Variants in UGT1A6 observed in about 807,000 individuals in gnomAD.
UGT1A6 encodes the protein UDP-glucuronosyltransferase 1A6.
A neutral mutation model predicts 44.4 loss-of-function variants in UGT1A6; 32 were observed. The ratio of observed to expected loss-of-function variants is 0.72; its 90% CI spans 0.54 to 0.97. The LOEUF (loss-of-function observed/expected upper bound fraction) is 0.97, where lower values mean the gene tolerates loss of function less well. Among genes scored for constraint, UGT1A6 ranks in the 50% least tolerant of loss-of-function variants. The probability of loss-of-function intolerance (pLI) is 0.00; values close to 1 mark genes in which losing one functional copy is unlikely to be tolerated. For synonymous variants in UGT1A6, 238 were observed against 248.5 expected (o/e 0.96, Z 0.40); for missense variants, 685 against 661.9 (o/e 1.03, Z -0.38).
At position 233,768,551 on chromosome 2, in the gene UGT1A6, A is replaced by G. The variant is rs1699641302; in HGVS notation, c.1301+112A>G. The G allele has an allele frequency of 4.1e-6, 6 of 1,478,370 alleles. No individual in the cohort carries two copies. The East Asian group carries it at 1.5e-4, about 37-fold the overall frequency. 91.6% of individuals were successfully genotyped at this position (1,478,370 alleles called of 1,614,324 possible). A position where few individuals can be genotyped will look rare whatever the true frequency, so the allele number is the denominator to read the frequency against. The stretch of plus-strand genomic sequence containing the variant: ...ATAGCGTTGTTTCAAATATAAAAAC[A>G]AATACATAAAAATCTGGATTTTTAT... On this transcript the variant is annotated intron_variant, in intron 4 of 4. Transcript: ENST00000305139.
chr2:233,730,885 G>C (rs948643464), intron 1 of UGT1A6, among the ~76,000 whole-genome samples: 12 of 152,158 alleles, frequency 7.9e-5, no homozygotes, highest in South Asian at 2.1e-4. Flanking sequence ...TTTCTATAGT[G>C]GGATCTACTC....
intron 1 of UGT1A6, chr2:233,713,287 C>T (rs28946880): frequency 3.7e-6 from 6 of 1,614,228 alleles, no homozygotes; most frequent in Non-Finnish European, 5.1e-6. Context: ...CACACTCAAT[C>T]GTTCTTTGAA....
intron 1 of UGT1A6, chr2:233,740,870 A>G (rs528081181): frequency 3.3e-5 from 5 of 151,856 alleles, no homozygotes; most frequent in Non-Finnish European, 7.3e-5. Context: ...TTCTTTAAAT[A>G]AAATGCTCTT....
chr2:233,698,753 A>G (rs887164106), intron 1 of UGT1A6, among the ~76,000 whole-genome samples: 4 of 152,244 alleles, frequency 2.6e-5, no homozygotes, highest in African/African-American at 7.2e-5. Context: ...ACATAATGCT[A>G]TGATTCAGAA....
At chr2:233,721,723 T>A (rs570482911) in intron 1 of UGT1A6, 28 of 397,856 alleles carry the variant, frequency 7.0e-5, no homozygotes, top group Non-Finnish European at 1.0e-5. Flanking sequence ...TTTGTTTACT[T>A]GGATAAGCTT....
At chr2:233,765,849 A>G (rs548142757) in intron 1 of UGT1A6, among the ~76,000 whole-genome samples, 8 of 152,220 alleles carry the variant, frequency 5.3e-5, no homozygotes, top group African/African-American at 1.7e-4. Flanking sequence ...TGTCCCCCTC[A>G]CAGAGCATGT....
At chr2:233,724,280 G>GT (rs2077205183) in intron 1 of UGT1A6, among the ~76,000 whole-genome samples, 4 of 139,636 alleles carry the variant, frequency 2.9e-5, no homozygotes, top group Admixed American at 7.0e-5. Context: ...GGCTGGCCGG[G>GT]CGGGGGGCTG....
At chr2:233,757,125 G>A (rs1455211055) in intron 1 of UGT1A6, among the ~76,000 whole-genome samples, 1 of 151,320 alleles carries the variant, frequency 6.6e-6, no homozygotes, top group Non-Finnish European at 1.5e-5. Context: ...CTAGAGAGGA[G>A]GAATGAGCTT....
chr2:233,724,544 T>C (rs2077280131), intron 1 of UGT1A6, among the ~76,000 whole-genome samples: 1 of 117,026 alleles, frequency 8.5e-6, no homozygotes, highest in African/African-American at 3.6e-5. Flanking sequence ...GCAGAGGCGC[T>C]CCTCACATCC....
chr2:233,766,910 T>C (rs960990875), intron 1 of UGT1A6, 124 bp from the exon 2 acceptor site: 6 of 1,519,286 alleles, frequency 3.9e-6, no homozygotes, highest in East Asian at 2.3e-5. Context: ...TTTTTTACTC[T>C]ATCTCAAACA....
intron 1 of UGT1A6, among the ~76,000 whole-genome samples, chr2:233,757,149 G>T (rs1696420476): frequency 6.6e-6 from 1 of 151,394 alleles, no homozygotes; most frequent in South Asian, 2.1e-4. Flanking sequence ...CAGGTGGGCT[G>T]GGGTCTATCC....
intron 1 of UGT1A6, among the ~76,000 whole-genome samples, chr2:233,747,017 T>A (rs1217876341): frequency 1.3e-5 from 2 of 151,764 alleles, no homozygotes; most frequent in Non-Finnish European, 2.9e-5. Flanking sequence ...GAGTGATCGG[T>A]CTTTCCCGAA....
Position 233,772,666 on chromosome 2 carries a change from T to G in UGT1A6, c.*107T>G. 6.5e-7 allele frequency: 1 copy of G among 1,538,162 alleles called. No individual in the cohort carries two copies. Among genetic ancestry groups the G allele is most frequent in the South Asian group, 1.2e-5 (1 of 82,746 alleles). Reference sequence around the variant, plus strand: ...ATTTTATTCTTATTAAGGAAATACTTTGCATAAATTAATCAGCCCCAGAGT... The same window carrying G: ...ATTTTATTCTTATTAAGGAAATACTGTGCATAAATTAATCAGCCCCAGAGT... On this transcript the variant is annotated 3_prime_UTR_variant, in exon 5 of 5. Coordinates refer to ENST00000305139, the MANE Select transcript of UGT1A6 (RefSeq NM_001072.4).
In UGT1A6 at chr2:233,760,715, G is replaced by A. The variant is rs1559407347; in HGVS notation, c.862-6319G>A. ...GAGCTCATGGCCTCCCTGGCAGAAA[G>A]CAGCTTTGATGTCATGCTGACGGAC... is the stretch of plus-strand genomic sequence containing the variant. On this transcript the variant is annotated intron_variant, in intron 1 of 4. Transcript: ENST00000305139. The A allele has an allele frequency of 1.2e-6, 2 of 1,614,196 alleles. No individual in the cohort carries two copies. The highest frequency in any genetic ancestry group is 1.3e-5 in the African/African-American group (1 of 75,042).
In UGT1A6 at chr2:233,696,102, C is replaced by T. The variant is rs1474928596; in HGVS notation, c.861+2237C>T. On this transcript the variant is annotated intron_variant, in intron 1 of 4. Coordinates refer to ENST00000305139, the MANE Select transcript of UGT1A6 (RefSeq NM_001072.4). ...AGTATGGAGAGTCTTCAAAACAAAACAAAACAAAAAGAACTAGAACTGCCC... is the reference window on the plus strand; with the variant it reads ...AGTATGGAGAGTCTTCAAAACAAAATAAAACAAAAAGAACTAGAACTGCCC... Among the ~76,000 whole-genome samples, 3 of 152,080 alleles carry T rather than the reference C, an allele frequency of 2.0e-5. No individual in the cohort carries two copies. The East Asian group carries it at 5.8e-4, about 29-fold the overall frequency.
At chr2:233,732,493 G>A (rs141356640) in intron 1 of UGT1A6, among the ~76,000 whole-genome samples, 3,223 of 152,294 alleles carry the variant, frequency 0.021, 102 homozygotes, top group African/African-American at 0.073. Context: ...TGTATAAGGC[G>A]TAAGGAAGGG....
At chr2:233,711,402 C>A (rs1267676385) in intron 1 of UGT1A6, among the ~76,000 whole-genome samples, 1 of 152,222 alleles carries the variant, frequency 6.6e-6, no homozygotes, top group African/African-American at 2.4e-5. Flanking sequence ...CCACCCTCAC[C>A]CCGGGCTCAT....
At chr2:233,712,535 T>C (rs1193833371) in intron 1 of UGT1A6, among the ~76,000 whole-genome samples, 1 of 152,206 alleles carries the variant, frequency 6.6e-6, no homozygotes, top group African/African-American at 2.4e-5. Context: ...GTTACCCATA[T>C]GTGGGAAGAA....
At chr2:233,741,761 G>T (rs1691766534) in intron 1 of UGT1A6, 3 of 151,840 alleles carry the variant, frequency 2.0e-5, no homozygotes, top group Admixed American at 6.5e-5. Flanking sequence ...TTAATGATGT[G>T]TTCAGGCCAT....
Sources: allele counts gnomAD v4.1 joint callset (sites outside exome capture counted in the v4.1 genomes callset), GRCh38; gene constraint gnomAD v4.1.1; transcripts MANE v1.5; gene names NCBI Gene and HGNC (gene_info 2026-07-23, HGNC 2026-07-21).